COLQ: variants seen among roughly 807,000 people sequenced by gnomAD.
The protein encoded by COLQ is acetylcholinesterase collagenic tail peptide.
A neutral mutation model predicts 69.0 loss-of-function variants in COLQ; 48 were observed. The ratio of observed to expected loss-of-function variants is 0.70; its 90% CI spans 0.55 to 0.88. The LOEUF is 0.88. COLQ is among the 40% of genes least tolerant of loss of function. COLQ has a pLI of 0.00. For missense variants in COLQ, 618 were observed against 594.6 expected (o/e 1.04, Z -0.41); for synonymous variants, 217 against 211.2 (o/e 1.03, Z -0.24).
rs66861967 is a variant in COLQ, at chr3:15,473,026, ATT to A, written c.636+972_636+973del. On this transcript the variant is annotated intron_variant, in intron 10 of 16. Transcript: ENST00000383788. The surrounding 1 kb of genome is among the most constrained non-coding windows in gnomAD (Gnocchi z 4.0). The stretch of plus-strand genomic sequence containing the variant: ...AGGCATGTGCCACCATGACCTGCTA[ATT>A]TTTTTTTTTTTAGAGATGAGATAGT... Among the ~76,000 whole-genome samples the A allele has an allele frequency of 2.1e-5, 3 of 144,106 alleles. No homozygotes were observed. Among genetic ancestry groups the A allele is most frequent in the Non-Finnish European group, 1.5e-5 (1 of 65,446 alleles). 94.5% of individuals were successfully genotyped at this position (144,106 alleles called of 152,430 possible). A position where few individuals can be genotyped will look rare whatever the true frequency, so the allele number is the denominator to read the frequency against.
intron 8 of COLQ, among the ~76,000 whole-genome samples, chr3:15,474,634 G>A (rs115062704): frequency 1.6e-3 from 241 of 152,350 alleles, no homozygotes; most frequent in African/African-American, 5.5e-3. Context: ...ATTTCCTCCA[G>A]CACTCTGTGC....
chr3:15,479,066 C>A (rs2062431304), intron 4 of COLQ, 63 bp from the exon 5 acceptor site: 2 of 1,599,704 alleles, frequency 1.3e-6, no homozygotes, highest in African/African-American at 1.3e-5. Context: ...GAAGCAGAAG[C>A]CTTAGTAGAG....
At chr3:15,479,771 T>C (rs1422626650) in intron 3 of COLQ, among the ~76,000 whole-genome samples, 1 of 152,228 alleles carries the variant, frequency 6.6e-6, no homozygotes, top group East Asian at 1.9e-4. Flanking sequence ...CAGTTACTCT[T>C]GCCAAACTTC....
At chr3:15,475,329 G>C (rs1454237918) in intron 7 of COLQ, 96 bp downstream of exon 7, 1 of 1,209,722 alleles carries the variant, frequency 8.3e-7, no homozygotes, top group Non-Finnish European at 1.2e-6. Flanking sequence ...TCCCTAGTCC[G>C]GGACTGCAGC....
rs755216131 is a variant in COLQ at position 15,465,680 on chromosome 3, G to T, written c.814+661C>A. ...ACAATTTCAGCTCACTGCAACCTCCGCCTCCCAGGTTCAAGTGATTCTTCT... is the reference window on the plus strand; with the variant it reads ...ACAATTTCAGCTCACTGCAACCTCCTCCTCCCAGGTTCAAGTGATTCTTCT... On this transcript the variant is annotated intron_variant, in intron 12 of 16. Transcript: ENST00000383788. Among the ~76,000 whole-genome samples the T allele has an allele frequency of 6.3e-5, 8 of 126,026 alleles. No homozygotes were observed. In the South Asian group the frequency reaches 2.1e-3, roughly 33 times the overall value. 82.7% of individuals were successfully genotyped at this position (126,026 alleles called of 152,430 possible).
Position 15,489,588 on chromosome 3 carries a change from G to T in COLQ, c.156C>A (p.Cys52Ter), listed in dbSNP as rs758060872. ...GTGGTGGTGGAGGAGGCGTCAGCAG[G>T]CAGCATGCTTTGTGGCCACCACGCT... ...QKKRGGHKACCLLTPPPPPLF... is the reference protein window; with the variant it reads ...QKKRGGHKAC Residue 52 changes from cysteine to a stop codon, truncating the protein, a stop_gained, in exon 2 of 17, where the codon TGC (cysteine) becomes TGA (stop). Transcript: ENST00000383788. LOFTEE classifies it high-confidence loss of function. 6.2e-7 allele frequency: 1 copy of T among 1,614,228 alleles called. No individual in the cohort carries two copies. The highest frequency in any genetic ancestry group is 8.5e-7 in the Non-Finnish European group (1 of 1,180,040).
intron 1 of COLQ, among the ~76,000 whole-genome samples, chr3:15,517,143 G>A (rs115368258): frequency 0.01 from 1,570 of 152,060 alleles, 35 homozygotes; most frequent in African/African-American, 0.036. Context: ...ACCCTGTCTC[G>A]AAAAAACAAA....
chr3:15,521,555 G>A lies in COLQ; in HGVS notation c.71C>T (p.Pro24Leu), dbSNP rs374642884. ...TGGAAGAACGCTGTTGATGAAAGTC[G>A]GCTGAGACACGATAGAGAGGAAGAA... ...QLFFLSIVSQ[P>L]TFINSVLPIS... Residue 24 changes from proline to leucine, a missense_variant, in exon 1 of 17, where the codon CCG (proline) becomes CTG (leucine). Physicochemically the swap from Pro to Leu is moderately conservative, Grantham distance 98. Coordinates refer to ENST00000383788, the MANE Select transcript of COLQ (RefSeq NM_005677.4). 98 of 1,614,044 alleles carry A rather than the reference G, an allele frequency of 6.1e-5. No homozygotes were observed. The highest frequency in any genetic ancestry group is 1.6e-4 in the Middle Eastern group (1 of 6,084).
intron 12 of COLQ, among the ~76,000 whole-genome samples, chr3:15,464,337 CT>C (rs2062165944): frequency 6.6e-6 from 1 of 152,210 alleles, no homozygotes; most frequent in Admixed American, 6.5e-5. Flanking sequence ...CACCAGGTAT[CT>C]GTGGACCACA....
chr3:15,515,672 G>C (rs1430392748), intron 1 of COLQ, among the ~76,000 whole-genome samples: 2 of 152,118 alleles, frequency 1.3e-5, no homozygotes, highest in African/African-American at 4.8e-5. Context: ...TGGGCGTGGT[G>C]GTGGGAGCCT....
intron 12 of COLQ, among the ~76,000 whole-genome samples, chr3:15,459,478 CTTTTTT>C (rs769741069): frequency 1.5e-5 from 2 of 135,584 alleles, no homozygotes; most frequent in African/African-American, 5.5e-5. Context: ...ATAAGGCATC[CTTTTTT>C]TTTTTTTTTT....
chr3:15,496,734 T>C (rs752509104), intron 1 of COLQ, among the ~76,000 whole-genome samples: 4 of 152,272 alleles, frequency 2.6e-5, no homozygotes, highest in Non-Finnish European at 4.4e-5. Context: ...AATTGTTTAA[T>C]GCAGGCTTTG....
intron 12 of COLQ, among the ~76,000 whole-genome samples, chr3:15,463,356 G>GT (rs1261134891): frequency 8.5e-4 from 125 of 146,778 alleles, no homozygotes; most frequent in South Asian, 3.6e-3. Context: ...TTTGTTTTTT[G>GT]TTTTTTTTGA....
chr3:15,452,107 C>T (rs974066426), intron 16 of COLQ, among the ~76,000 whole-genome samples: 1 of 151,788 alleles, frequency 6.6e-6, no homozygotes, highest in Non-Finnish European at 1.5e-5. Context: ...CGCTCTGTCC[C>T]CCAGGCTGGA....
At chr3:15,463,768 G>A (rs565791117) in intron 12 of COLQ, among the ~76,000 whole-genome samples, 3 of 152,206 alleles carry the variant, frequency 2.0e-5, no homozygotes, top group African/African-American at 7.2e-5. Context: ...GGCTCCAGGG[G>A]GACATCATGC....
intron 3 of COLQ, among the ~76,000 whole-genome samples, chr3:15,486,961 A>C (rs1242735197): frequency 2.0e-5 from 3 of 152,202 alleles, no homozygotes; most frequent in Non-Finnish European, 4.4e-5. Context: ...GCCACAGACA[A>C]TAAAACTTCG....
intron 1 of COLQ, among the ~76,000 whole-genome samples, chr3:15,493,832 C>G (rs1043495914): frequency 2.0e-5 from 3 of 152,224 alleles, no homozygotes; most frequent in Non-Finnish European, 2.9e-5. Context: ...GCCTGTAATC[C>G]CAACACTTTG....
intron 13 of COLQ, 129 bp from the exon 14 acceptor site, chr3:15,456,708 A>T (rs2062031093): frequency 8.5e-7 from 1 of 1,178,708 alleles, no homozygotes; most frequent in South Asian, 1.3e-5. Flanking sequence ...TGCACACTAC[A>T]CTCTAGCATT....
In COLQ at chr3:15,458,568, G is replaced by A. The variant is rs113877474; in HGVS notation, c.815-243C>T. ...GCCTTGAAGACAGGCAAGATGTCTG[G>A]TGTTGCAGCAGCCGTGTTGCAACCA... On this transcript the variant is annotated intron_variant, in intron 12 of 16. Transcript: ENST00000383788. Among the ~76,000 whole-genome samples, 1,686 of 152,298 alleles carry A rather than the reference G, an allele frequency of 0.011. 30 individuals are homozygous for A. The highest frequency in any genetic ancestry group is 0.039 in the African/African-American group (1,613 of 41,550).
Sources: gnomAD v4.1 joint callset for allele counts (sites outside exome capture counted in the v4.1 genomes callset) on GRCh38, gnomAD v4.1.1 for gene constraint, Gnocchi (gnomAD v3.1) non-coding constraint, MANE v1.5 for transcripts, NCBI Gene and HGNC (gene_info 2026-07-23, HGNC 2026-07-21) for gene names.